The following SCFD2 variants were observed in gnomAD, a reference collection of about 807,000 sequenced individuals.
SCFD2 encodes sec1 family domain-containing protein 2.
In SCFD2, 54 loss-of-function variants were observed where a neutral mutation model predicts 58.9. That is an observed-to-expected ratio of 0.92 (90% CI 0.74 to 1.15). The LOEUF (loss-of-function observed/expected upper bound fraction) is 1.15. SCFD2 is among the 50% of genes most tolerant of loss of function. The pLI is 0.00. For missense variants in SCFD2, 805 were observed against 836.6 expected (o/e 0.96, Z 0.47); for synonymous variants, 321 against 335.9 (o/e 0.96, Z 0.49).
chr4:53,180,393 G>A (rs562574740), intron 4 of SCFD2, among the ~76,000 whole-genome samples: 1 of 152,302 alleles, frequency 6.6e-6, no homozygotes, highest in South Asian at 2.1e-4. Context: ...AGCTGCTCCT[G>A]AATGACTACT....
At chr4:53,178,375 A>G (rs1727417702) in intron 4 of SCFD2, among the ~76,000 whole-genome samples, 1 of 152,150 alleles carries the variant, frequency 6.6e-6, no homozygotes, top group African/African-American at 2.4e-5. Context: ...CACTGATGAT[A>G]CCCAGGCAAA....
Position 53,324,144 on chromosome 4 carries a change from C to T in SCFD2, c.1008-10381G>A, listed in dbSNP as rs116772810. On this transcript the variant is annotated intron_variant, in intron 2 of 8. Coordinates refer to ENST00000401642, the MANE Select transcript of SCFD2 (RefSeq NM_152540.4). The stretch of plus-strand genomic sequence containing the variant: ...TAAAAATGTACCCAGGAGCCAGGCA[C>T]AATGGCTCACACCTATAATCCTAGC... Among the ~76,000 whole-genome samples, 1,126 of 152,178 alleles carry T rather than the reference C, an allele frequency of 7.4e-3. 6 individuals carry two copies. The highest frequency in any genetic ancestry group is 0.013 in the Non-Finnish European group (857 of 67,994).
rs114983488 is a variant in SCFD2 at position 53,358,581 on chromosome 4, A to G, written c.839-5815T>C. On this transcript the variant is annotated intron_variant, in intron 1 of 8. Transcript: ENST00000401642. ...GAAAAAAAAAAAAAAAAAAGTTTAC[A>G]TGAAGCTAAAATTCAGAATTGAACT... Among the ~76,000 whole-genome samples, 1,329 of 151,914 alleles carry G rather than the reference A, an allele frequency of 8.7e-3. 24 individuals carry two copies. Among genetic ancestry groups the G allele is most frequent in the African/African-American group, 0.03 (1,254 of 41,442 alleles).
rs754101699 is a variant in SCFD2 at position 53,363,826 on chromosome 4, C to CAAA, written c.838+1275_838+1277dup. ...TGGGCGACAGAGAGAGACTCCGTCT[C>CAAA]AAAAAAAAAAAAAAAAAAGCATTAC... is the stretch of plus-strand genomic sequence containing the variant. On this transcript the variant is annotated intron_variant, in intron 1 of 8. Coordinates refer to ENST00000401642, the MANE Select transcript of SCFD2 (RefSeq NM_152540.4). 5.0e-3 allele frequency among the ~76,000 whole-genome samples: 540 copies of CAAA among 106,946 alleles called. 14 individuals are homozygous for CAAA. The highest frequency in any genetic ancestry group is 0.013 in the African/African-American group (340 of 27,116). 70.2% of individuals were successfully genotyped at this position (106,946 alleles called of 152,430 possible).
At chr4:53,248,663 A>G (rs1171594384) in intron 4 of SCFD2, among the ~76,000 whole-genome samples, 1 of 152,168 alleles carries the variant, frequency 6.6e-6, no homozygotes, top group East Asian at 1.9e-4. Flanking sequence ...GTAGGGGCAG[A>G]CTGACACCTC....
At chr4:53,193,848 G>A (rs1354415694) in intron 4 of SCFD2, among the ~76,000 whole-genome samples, 1 of 151,956 alleles carries the variant, frequency 6.6e-6, no homozygotes, top group Non-Finnish European at 1.5e-5. Context: ...ATTCAAATAG[G>A]ACAGAATAAT....
At chr4:53,030,637 G>C (rs1398784110) in intron 5 of SCFD2, among the ~76,000 whole-genome samples, 1 of 152,074 alleles carries the variant, frequency 6.6e-6, no homozygotes, top group Non-Finnish European at 1.5e-5. Context: ...AGCCAGGCTG[G>C]TCTCGAACTC....
intron 4 of SCFD2, among the ~76,000 whole-genome samples, chr4:53,207,419 A>G (rs1475491328): frequency 6.9e-6 from 1 of 144,038 alleles, no homozygotes; most frequent in African/African-American, 2.6e-5. Flanking sequence ...TAGTGTCTGG[A>G]AAAGGTCAAA....
chr4:53,104,998 A>T (rs1277138145), intron 5 of SCFD2, among the ~76,000 whole-genome samples: 2 of 152,074 alleles, frequency 1.3e-5, no homozygotes, highest in Admixed American at 6.5e-5. Flanking sequence ...GCCTCATGTC[A>T]TTGGGAGTGG....
chr4:52,880,195 C>G (rs1178575360), intron 8 of SCFD2, among the ~76,000 whole-genome samples: 1 of 152,160 alleles, frequency 6.6e-6, no homozygotes, highest in African/African-American at 2.4e-5. Context: ...TGTTGTCTCC[C>G]TGGGGCTTCC....
At chr4:52,966,405 G>A (rs549403298) in intron 5 of SCFD2, among the ~76,000 whole-genome samples, 2 of 152,266 alleles carry the variant, frequency 1.3e-5, no homozygotes, top group African/African-American at 4.8e-5. Context: ...TGCTGCTGTG[G>A]TCAATCTTGT....
chr4:53,365,847 C>G lies in SCFD2; in HGVS notation c.95G>C (p.Cys32Ser), dbSNP rs1460724258. 2 of 1,613,190 alleles carry G rather than the reference C, an allele frequency of 1.2e-6. No homozygotes were observed. Among genetic ancestry groups the G allele is most frequent in the Non-Finnish European group, 1.7e-6 (2 of 1,179,972 alleles). Residue 32 changes from cysteine to serine, a missense_variant, in exon 1 of 9, where the codon TGC becomes TCC. By Grantham distance (112) the Cys-to-Ser change is moderately radical (BLOSUM62 -1). Transcript: ENST00000401642. This position sits in a 1 kb window ranked among gnomAD's most constrained non-coding sequence, Gnocchi z 4.3. ...GCAGCCCCAGTGCAGGCTCTCGGCG[C>G]AGGCGGCGTCCAGGTAAACCACAGC... Reference protein sequence around the residue: ...KRAVVYLDAACAESLHWGCGS... With the variant: ...KRAVVYLDAASAESLHWGCGS...
chr4:52,911,497 G>A lies in SCFD2; in HGVS notation c.1708-3906C>T, dbSNP rs186797661. Among the ~76,000 whole-genome samples the A allele has an allele frequency of 1.2e-4, 18 of 152,258 alleles. No homozygotes were observed. The East Asian group carries it at 3.1e-3, about 26-fold the overall frequency. On this transcript the variant is annotated intron_variant, in intron 6 of 8. Transcript: ENST00000401642. The stretch of plus-strand genomic sequence containing the variant: ...GTTCTGTGCTACACTGGGAATGTTG[G>A]AAATCTTTTTTGTTTTTTATTTTTT...
intron 5 of SCFD2, among the ~76,000 whole-genome samples, chr4:53,038,539 T>C (rs1251422553): frequency 2.6e-5 from 4 of 152,190 alleles, no homozygotes; most frequent in Non-Finnish European, 5.9e-5. Flanking sequence ...CAGACTTGCA[T>C]GGAGAGTTTC....
intron 5 of SCFD2, among the ~76,000 whole-genome samples, chr4:53,084,799 T>C (rs1724258068): frequency 1.3e-5 from 2 of 152,190 alleles, no homozygotes; most frequent in South Asian, 4.1e-4. Context: ...ATATGATCAT[T>C]TCAAATAATG....
chr4:53,136,471 A>T (rs1725946213), intron 5 of SCFD2, among the ~76,000 whole-genome samples: 1 of 152,218 alleles, frequency 6.6e-6, no homozygotes, highest in Non-Finnish European at 1.5e-5. Flanking sequence ...ACTCCCAAAA[A>T]GTATACTTTG....
chr4:53,065,455 CT>C (rs1481890665), intron 5 of SCFD2, among the ~76,000 whole-genome samples: 1 of 152,008 alleles, frequency 6.6e-6, no homozygotes, highest in Non-Finnish European at 1.5e-5. Flanking sequence ...AGGAAAATCT[CT>C]GAAATCCTGC....
At chr4:53,201,615 G>A (rs1427458779) in intron 4 of SCFD2, among the ~76,000 whole-genome samples, 3 of 152,024 alleles carry the variant, frequency 2.0e-5, no homozygotes, top group African/African-American at 7.2e-5. Context: ...CTTCCACAAT[G>A]GTTGAACTAG....
rs1476015585 is a variant in SCFD2, at chr4:53,237,515, G to C, written c.1311+36311C>G. 1.7e-3 allele frequency among the ~76,000 whole-genome samples: 21 copies of C among 12,280 alleles called. 3 individuals carry two copies. The East Asian group carries it at 0.043, about 25-fold the overall frequency. 8.1% of individuals were successfully genotyped at this position (12,280 alleles called of 152,430 possible). A position where few individuals can be genotyped will look rare whatever the true frequency, so the allele number is the denominator to read the frequency against. ...CCCGGACGGGCGGCTGGCCGGGCGG[G>C]GGGCTGACCCCCACCTCTCTCCCAG... On this transcript the variant is annotated intron_variant, in intron 4 of 8. Coordinates refer to ENST00000401642, the MANE Select transcript of SCFD2 (RefSeq NM_152540.4).
Sources: allele counts gnomAD v4.1 joint callset (sites outside exome capture counted in the v4.1 genomes callset), GRCh38; gene constraint gnomAD v4.1.1; non-coding constraint Gnocchi (gnomAD v3.1); transcripts MANE v1.5; gene names NCBI Gene and HGNC (gene_info 2026-07-23, HGNC 2026-07-21).